TIAM1: variants seen among roughly 807,000 people sequenced by gnomAD.
TIAM1 encodes TIAM Rac1 associated GEF 1.
TIAM1 carries 65 observed loss-of-function variants against 163.5 expected under a neutral mutation model. The ratio of observed to expected loss-of-function variants is 0.40; its 90% confidence interval spans 0.33 to 0.49. TIAM1 has a LOEUF of 0.49. TIAM1 is among the 20% of genes least tolerant of loss of function. The pLI is 0.77. For synonymous variants in TIAM1, 833 were observed against 810.1 expected (o/e 1.03, Z -0.48); for missense variants, 1,789 against 2,044.7 (o/e 0.87, Z 2.41).
At chr21:31,192,136 C>T (rs1292977825) in intron 13 of TIAM1, among the ~76,000 whole-genome samples, 2 of 152,068 alleles carry the variant, frequency 1.3e-5, no homozygotes, top group Non-Finnish European at 2.9e-5. Flanking sequence ...GTTTTAAGGT[C>T]AAGAAATAAA....
chr21:31,194,670 C>A (rs2146492911), intron 13 of TIAM1, among the ~76,000 whole-genome samples: 1 of 152,276 alleles, frequency 6.6e-6, no homozygotes, highest in East Asian at 1.9e-4. Context: ...CCCAAACAGA[C>A]CAGTTTTTCC....
intron 13 of TIAM1, among the ~76,000 whole-genome samples, chr21:31,190,708 T>C (rs1297210471): frequency 6.6e-6 from 1 of 152,182 alleles, no homozygotes; most frequent in African/African-American, 2.4e-5. Context: ...ACTGGATATG[T>C]GAACTAATTT....
chr21:31,376,636 G>C (rs891208689), intron 2 of TIAM1, among the ~76,000 whole-genome samples: 1 of 151,986 alleles, frequency 6.6e-6, no homozygotes, highest in African/African-American at 2.4e-5. Flanking sequence ...GGTGATGGAG[G>C]GATGGCTAAA....
At chr21:31,320,757 G>A (rs565343817) in intron 2 of TIAM1, among the ~76,000 whole-genome samples, 1 of 152,310 alleles carries the variant, frequency 6.6e-6, no homozygotes, top group South Asian at 2.1e-4. Flanking sequence ...ACTTTGGGAG[G>A]CCGAAGCAGG....
intron 2 of TIAM1, among the ~76,000 whole-genome samples, chr21:31,430,290 C>T (rs1409519221): frequency 6.9e-6 from 1 of 145,730 alleles, no homozygotes; most frequent in Non-Finnish European, 1.5e-5. Flanking sequence ...ATATATATTG[C>T]ACAGTGGGGA....
intron 16 of TIAM1, among the ~76,000 whole-genome samples, chr21:31,158,587 C>T (rs16987851): frequency 0.033 from 5,025 of 152,132 alleles, 292 homozygotes; most frequent in African/African-American, 0.11. Flanking sequence ...TGTTGTTAAG[C>T]GGTGTTATAT....
chr21:31,388,068 A>C (rs2076906466), intron 2 of TIAM1, among the ~76,000 whole-genome samples: 1 of 151,930 alleles, frequency 6.6e-6, no homozygotes, highest in Non-Finnish European at 1.5e-5. Context: ...TCACAATTAT[A>C]GGTTTCCTGA....
chr21:31,127,350 T>C (rs1247606071), intron 25 of TIAM1, among the ~76,000 whole-genome samples, 198 bp from the exon 26 acceptor site: 2 of 152,066 alleles, frequency 1.3e-5, no homozygotes, highest in African/African-American at 4.8e-5. Context: ...AGAGAACACT[T>C]GGAAAATTTC....
chr21:31,193,461 G>C (rs187734868), intron 13 of TIAM1, among the ~76,000 whole-genome samples: 1 of 152,166 alleles, frequency 6.6e-6, no homozygotes, highest in Non-Finnish European at 1.5e-5. Context: ...CCCTAGGAGA[G>C]AGCATTTCTC....
intron 3 of TIAM1, among the ~76,000 whole-genome samples, chr21:31,273,329 A>G (rs950530169): frequency 6.6e-6 from 1 of 152,288 alleles, no homozygotes; most frequent in Admixed American, 6.5e-5. Context: ...AGAACTGGAA[A>G]AGAACATCCC....
intron 13 of TIAM1, among the ~76,000 whole-genome samples, chr21:31,187,710 C>T (rs1469360718): frequency 1.3e-5 from 2 of 152,064 alleles, no homozygotes; most frequent in Admixed American, 6.6e-5. Context: ...CTAATTAACC[C>T]TGGGCTCTGC....
chr21:31,255,869 C>T (rs1243786696), intron 4 of TIAM1, among the ~76,000 whole-genome samples: 8 of 152,274 alleles, frequency 5.3e-5, no homozygotes, highest in South Asian at 2.1e-4. Context: ...TTCACAGGGC[C>T]GAGAGGCTCT....
intron 2 of TIAM1, among the ~76,000 whole-genome samples, chr21:31,374,729 C>T (rs557419046): frequency 1.3e-5 from 2 of 152,300 alleles, no homozygotes; most frequent in South Asian, 4.1e-4. Flanking sequence ...TGTTCCAAGG[C>T]AATATGGGAT....
chr21:31,393,038 T>C (rs907371382), intron 2 of TIAM1, among the ~76,000 whole-genome samples: 2 of 151,454 alleles, frequency 1.3e-5, no homozygotes, highest in Non-Finnish European at 2.9e-5. Flanking sequence ...TCACAGCAAC[T>C]TCCCCCTCCT....
rs1355170672 is a variant in TIAM1 at position 31,395,307 on chromosome 21, T to A, written c.-368-55885A>T. Reference sequence around the variant, plus strand: ...GGAGCTCTCTGGAGATGTCACTACGTCTCAGGGGGCTACTTCTAGAGAAGT... The same window carrying A: ...GGAGCTCTCTGGAGATGTCACTACGACTCAGGGGGCTACTTCTAGAGAAGT... On this transcript the variant is annotated intron_variant, in intron 2 of 28. Transcript: ENST00000286827. The surrounding 1 kb of genome is among the most constrained non-coding windows in gnomAD (Gnocchi z 7.5). Among the ~76,000 whole-genome samples the A allele has an allele frequency of 6.6e-6, 1 of 151,382 alleles. No individual in the cohort carries two copies. Among genetic ancestry groups the A allele is most frequent in the East Asian group, 1.9e-4 (1 of 5,138 alleles).
chr21:31,131,048 G>A (rs2082396208), intron 23 of TIAM1, 100 bp from the exon 24 acceptor site: 1 of 945,262 alleles, frequency 1.1e-6, no homozygotes, highest in Non-Finnish European at 1.6e-6. Flanking sequence ...TTATGAAGAG[G>A]ACGTTGAGAT....
chr21:31,136,117 A>T, intron 22 of TIAM1, 76 bp from the exon 23 acceptor site: 1 of 1,289,710 alleles, frequency 7.8e-7, no homozygotes, highest in South Asian at 1.3e-5. Flanking sequence ...TTGAAAATTC[A>T]GCATGCTGAT....
At chr21:31,351,824 T>C (rs896605406) in intron 2 of TIAM1, among the ~76,000 whole-genome samples, 1 of 151,702 alleles carries the variant, frequency 6.6e-6, no homozygotes, top group Non-Finnish European at 1.5e-5. Context: ...TCCTAGCACT[T>C]TGGGAGGCCG....
chr21:31,424,424 T>C (rs573727504), intron 2 of TIAM1, among the ~76,000 whole-genome samples: 47 of 152,268 alleles, frequency 3.1e-4, no homozygotes, highest in African/African-American at 1.0e-3. Context: ...ATAAACGAAA[T>C]GCGGTGTAGA....
Sources: allele counts gnomAD v4.1 joint callset (sites outside exome capture counted in the v4.1 genomes callset), GRCh38; gene constraint gnomAD v4.1.1; non-coding constraint Gnocchi (gnomAD v3.1); transcripts MANE v1.5; gene names NCBI Gene and HGNC (gene_info 2026-07-23, HGNC 2026-07-21).